The following LRRC37A2 variants were observed in gnomAD, a reference collection of about 807,000 sequenced individuals.
The protein encoded by LRRC37A2 is leucine rich repeat containing 37 member A2.
Under a neutral mutation model 68.8 loss-of-function variants are expected in LRRC37A2, and 9 were observed. The ratio of observed to expected loss-of-function variants is 0.13; its 90% CI spans 0.08 to 0.23. The LOEUF is 0.23. Among genes scored for constraint, LRRC37A2 ranks in the 10% least tolerant of loss-of-function variants. The probability of loss-of-function intolerance (pLI) is 1.00; values close to 1 mark genes in which losing one functional copy is unlikely to be tolerated. For synonymous variants in LRRC37A2, 63 were observed against 367.6 expected, an observed-to-expected ratio of 0.17 and a Z score of 9.48; for missense variants, 168 against 950.4, an observed-to-expected ratio of 0.18 and a Z score of 10.82.
the LRRC37A2 span, among the ~76,000 whole-genome samples, chr17:46,678,994 CAAAT>C: frequency 1.3e-5 from 2 of 151,264 alleles, no homozygotes; most frequent in Admixed American, 6.6e-5. Context: ...GTGAATCTCA[CAAAT>C]AAATTATTGA....
chr17:46,488,785 T>C, the LRRC37A2 span, among the ~76,000 whole-genome samples: 4 of 127,742 alleles, frequency 3.1e-5, no homozygotes, highest in Admixed American at 8.0e-5. Flanking sequence ...TCTATAAAAC[T>C]GGTCCCCGAT....
the LRRC37A2 span, among the ~76,000 whole-genome samples, chr17:46,969,555 T>C: frequency 6.6e-6 from 1 of 152,210 alleles, no homozygotes; most frequent in Non-Finnish European, 1.5e-5. Context: ...ACGATCAGGC[T>C]TCCCTGCTCC....
the LRRC37A2 span, among the ~76,000 whole-genome samples, chr17:46,747,945 A>C: frequency 6.6e-6 from 1 of 152,294 alleles, no homozygotes; most frequent in Non-Finnish European, 1.5e-5. Context: ...CCATCTTAGG[A>C]TATGTAGTTT....
chr17:46,893,792 C>T, the LRRC37A2 span, among the ~76,000 whole-genome samples: 1 of 152,048 alleles, frequency 6.6e-6, no homozygotes, highest in Non-Finnish European at 1.5e-5. Flanking sequence ...AGCAAAGAGC[C>T]CAATTCATTC....
the LRRC37A2 span, among the ~76,000 whole-genome samples, chr17:46,739,301 G>A: frequency 6.6e-6 from 1 of 150,408 alleles, no homozygotes; most frequent in Non-Finnish European, 1.5e-5. Context: ...AACCCAGGAG[G>A]TGGAGGTTGC....
the LRRC37A2 span, among the ~76,000 whole-genome samples, chr17:46,810,503 T>A: frequency 6.6e-6 from 1 of 152,106 alleles, no homozygotes; most frequent in South Asian, 2.1e-4. Context: ...CCACAAAGAT[T>A]ATTCCACCTG....
chr17:46,916,881 A>G, the LRRC37A2 span: 1 of 152,232 alleles, frequency 6.6e-6, no homozygotes, highest in Non-Finnish European at 1.5e-5. Context: ...AAGTTAGTAC[A>G]TGAAACAGAC....
At chr17:46,714,071 C>T in the LRRC37A2 span, 3 of 1,329,974 alleles carry the variant, frequency 2.3e-6, no homozygotes, top group Non-Finnish European at 3.0e-6. Context: ...TACATGTATA[C>T]ATATAAACCC....
chr17:46,887,738 T>G, the LRRC37A2 span, among the ~76,000 whole-genome samples: 105 of 152,022 alleles, frequency 6.9e-4, no homozygotes, highest in African/African-American at 2.4e-3. Context: ...CACTCCAGCC[T>G]GGGCGACATA....
the LRRC37A2 span, chr17:47,007,943 T>C: frequency 6.6e-6 from 1 of 152,320 alleles, no homozygotes; most frequent in Non-Finnish European, 1.5e-5. Context: ...TAAATTTGTA[T>C]CTATGTCTAG....
the LRRC37A2 span, among the ~76,000 whole-genome samples, chr17:46,802,883 T>C: frequency 2.0e-5 from 3 of 152,150 alleles, no homozygotes; most frequent in Non-Finnish European, 4.4e-5. Flanking sequence ...CGTGTGTTCC[T>C]GTGTTCTGCG....
chr17:46,723,189 G>A, the LRRC37A2 span, among the ~76,000 whole-genome samples: 1 of 152,146 alleles, frequency 6.6e-6, no homozygotes, highest in Non-Finnish European at 1.5e-5. Context: ...TTTTGAGAAG[G>A]AAAAACATAG....
At chr17:46,932,528 T>C in the LRRC37A2 span, 1 of 555,478 alleles carries the variant, frequency 1.8e-6, no homozygotes, top group Non-Finnish European at 3.2e-6. Context: ...GACAGATGAT[T>C]AGAACTTAGG....
the LRRC37A2 span, among the ~76,000 whole-genome samples, chr17:46,791,126 C>T: frequency 6.6e-6 from 1 of 152,160 alleles, no homozygotes; most frequent in Non-Finnish European, 1.5e-5. Context: ...GGCAGCAAGC[C>T]TTTTCCCTAC....
the LRRC37A2 span, among the ~76,000 whole-genome samples, chr17:46,903,834 T>C: frequency 6.9e-6 from 1 of 144,400 alleles, no homozygotes; most frequent in Non-Finnish European, 1.5e-5. Context: ...GGTGGGTAGA[T>C]GAGTGGATGA....
chr17:46,990,198 G>A, the LRRC37A2 span, among the ~76,000 whole-genome samples: 1 of 152,156 alleles, frequency 6.6e-6, no homozygotes, highest in African/African-American at 2.4e-5. Flanking sequence ...AAAGGGTGAA[G>A]TCCCAGACAC....
At chr17:46,976,815 C>G in the LRRC37A2 span, among the ~76,000 whole-genome samples, 1 of 152,230 alleles carries the variant, frequency 6.6e-6, no homozygotes, top group African/African-American at 2.4e-5. Flanking sequence ...ACTGCACCAC[C>G]TACATGACGA....
the LRRC37A2 span, among the ~76,000 whole-genome samples, chr17:46,853,611 G>T: frequency 6.6e-6 from 1 of 151,914 alleles, no homozygotes. Context: ...ATCTCAATCT[G>T]CCCAACTCAG....
At chr17:46,907,156 A>G in the LRRC37A2 span, among the ~76,000 whole-genome samples, 1 of 152,204 alleles carries the variant, frequency 6.6e-6, no homozygotes, top group Admixed American at 6.5e-5. Flanking sequence ...AGATCATTCA[A>G]GTAGCCTGCC....
Sources: gnomAD v4.1 joint callset for allele counts (sites outside exome capture counted in the v4.1 genomes callset) on GRCh38, gnomAD v4.1.1 for gene constraint, MANE v1.5 for transcripts, NCBI Gene and HGNC (gene_info 2026-07-23, HGNC 2026-07-21) for gene names.